Variants in ZNF837 observed in about 807,000 individuals in gnomAD.
ZNF837 encodes zinc finger protein 837.
For synonymous variants in ZNF837, 475 were observed against 365.2 expected, an observed-to-expected ratio of 1.30 and a Z score of -3.43; for missense variants, 955 against 801.7, an observed-to-expected ratio of 1.19 and a Z score of -2.31.
chr19:58,379,039 A>T (rs915492522), intron 1 of ZNF837, among the ~76,000 whole-genome samples: 3 of 152,188 alleles, frequency 2.0e-5, no homozygotes, highest in African/African-American at 7.2e-5. Context: ...AGTTTGTGGT[A>T]GTGTGTTATA....
At position 58,367,840 on chromosome 19, in the gene ZNF837, G is replaced by C; in HGVS notation, c.1493C>G (p.Thr498Arg). ...CSLVRHLRTHTGERPYACGDC... is the reference protein window; with the variant it reads ...CSLVRHLRTHRGERPYACGDC... Reference sequence around the variant, plus strand: ...TCCGCACGCGTAGGGCCGCTCGCCCGTGTGCGTGCGCAGGTGGCGCACCAG... The same window carrying C: ...TCCGCACGCGTAGGGCCGCTCGCCCCTGTGCGTGCGCAGGTGGCGCACCAG... The change falls in exon 3 of 3, where the codon ACG becomes AGG. Residue 498 changes from threonine (T) to arginine (R), a missense_variant. Thr to Arg is a moderately conservative substitution (Grantham distance 71). Coordinates refer to ENST00000597582, the MANE Select transcript of ZNF837 (RefSeq NM_138466.2). 2 of 1,535,912 alleles carry C rather than the reference G, an allele frequency of 1.3e-6. No homozygotes were observed.
chr19:58,373,172 C>T (rs944419853), intron 1 of ZNF837, among the ~76,000 whole-genome samples: 11 of 152,198 alleles, frequency 7.2e-5, no homozygotes, highest in Non-Finnish European at 1.6e-4. Flanking sequence ...TGAGACTTCC[C>T]GGAGCCAGAT....
intron 1 of ZNF837, among the ~76,000 whole-genome samples, chr19:58,374,175 T>A (rs185960866): frequency 2.5e-4 from 38 of 152,280 alleles, no homozygotes; most frequent in African/African-American, 8.4e-4. Flanking sequence ...CCCCGAGTAA[T>A]TCCACCCCTA....
At position 58,375,755 on chromosome 19, in the gene ZNF837, C is replaced by CTT. The variant is rs75807213; in HGVS notation, c.-140+5184_-140+5185dup. On this transcript the variant is annotated intron_variant, in intron 1 of 2. Transcript: ENST00000597582. ...GCCACCTCGCCCAGCTGATTTATATCTTTTTTTTTTTTTTTAAAGCAGAAT... is the reference window on the plus strand; with the variant it reads ...GCCACCTCGCCCAGCTGATTTATATCTTTTTTTTTTTTTTTTTAAAGCAGAAT... 3.7e-3 allele frequency among the ~76,000 whole-genome samples: 517 copies of CTT among 141,106 alleles called. 3 individuals are homozygous for CTT. The highest frequency in any genetic ancestry group is 5.2e-3 in the Non-Finnish European group (337 of 65,206). The allele number at this position is 141,106 out of a possible 152,430, so 92.6% of individuals were successfully genotyped here. A position where few individuals can be genotyped will look rare whatever the true frequency, so the allele number is the denominator to read the frequency against.
intron 1 of ZNF837, among the ~76,000 whole-genome samples, chr19:58,374,230 T>C (rs1293917273): frequency 1.3e-5 from 2 of 152,172 alleles, no homozygotes; most frequent in African/African-American, 4.8e-5. Context: ...AAGCAAACAC[T>C]GGCTCACAGA....
intron 1 of ZNF837, among the ~76,000 whole-genome samples, chr19:58,377,428 C>T (rs1435575426): frequency 2.0e-5 from 3 of 151,612 alleles, no homozygotes; most frequent in Non-Finnish European, 4.4e-5. Context: ...TGTAGTGAGC[C>T]GAGATCTTGC....
At chr19:58,370,916 AAAAG>A (rs1033627810) in intron 1 of ZNF837, among the ~76,000 whole-genome samples, 4 of 121,224 alleles carry the variant, frequency 3.3e-5, no homozygotes, top group Non-Finnish European at 6.7e-5. Flanking sequence ...GGAAAAAAAG[AAAAG>A]AGAGAGAGAG....
chr19:58,370,234 A>C (rs1016649347), intron 1 of ZNF837, among the ~76,000 whole-genome samples: 11 of 152,128 alleles, frequency 7.2e-5, no homozygotes, highest in African/African-American at 2.7e-4. Flanking sequence ...GACCATTTCC[A>C]GCTTCTAGGT....
At chr19:58,372,866 A>G (rs1245809220) in intron 1 of ZNF837, among the ~76,000 whole-genome samples, 1 of 152,206 alleles carries the variant, frequency 6.6e-6, no homozygotes, top group Non-Finnish European at 1.5e-5. Flanking sequence ...AAGGCCTTTG[A>G]AGCAGCCAGG....
intron 1 of ZNF837, among the ~76,000 whole-genome samples, chr19:58,375,313 A>AAAT (rs2052235767): frequency 2.9e-5 from 1 of 34,576 alleles, no homozygotes. Flanking sequence ...TATATATATA[A>AAAT]AATTACATAT....
chr19:58,370,560 TATAA>T (rs527743492), intron 1 of ZNF837, among the ~76,000 whole-genome samples: 70 of 152,324 alleles, frequency 4.6e-4, no homozygotes, highest in Middle Eastern at 3.4e-3. Context: ...CACGTGCATA[TATAA>T]ATATTCATCT....
At chr19:58,377,746 G>A (rs2052260994) in intron 1 of ZNF837, among the ~76,000 whole-genome samples, 1 of 152,224 alleles carries the variant, frequency 6.6e-6, no homozygotes, top group Non-Finnish European at 1.5e-5. Flanking sequence ...CAAGGGCACT[G>A]CTGCCACCAC....
At chr19:58,370,411 C>T (rs1323227312) in intron 1 of ZNF837, among the ~76,000 whole-genome samples, 1 of 152,224 alleles carries the variant, frequency 6.6e-6, no homozygotes, top group Non-Finnish European at 1.5e-5. Context: ...ATCTCCCCAT[C>T]TCAAGATCCA....
intron 1 of ZNF837, among the ~76,000 whole-genome samples, chr19:58,380,292 C>T (rs1236976223): frequency 1.3e-5 from 2 of 152,226 alleles, no homozygotes; most frequent in African/African-American, 4.8e-5. Context: ...CCGACAGTGC[C>T]TCCACCCTCA....
chr19:58,374,745 C>T (rs2052227579), intron 1 of ZNF837, among the ~76,000 whole-genome samples: 1 of 152,024 alleles, frequency 6.6e-6, no homozygotes, highest in Admixed American at 6.6e-5. Context: ...ACCAGCCTGG[C>T]CAAAATGTCG....
In ZNF837 at chr19:58,368,168, T is replaced by A. The variant is rs1228698532; in HGVS notation, c.1165A>T (p.Lys389Ter). Residue 389 changes from lysine to a stop codon, truncating the protein, a stop_gained, in exon 3 of 3, where the codon AAG (lysine) becomes TAG (stop). Transcript: ENST00000597582. LOFTEE classifies it low-confidence loss of function (END_TRUNC). ...VEHRRVHTGEKPYACPECGKA... is the reference protein window; with the variant it reads ...VEHRRVHTGE ...CCGCACTCGGGGCACGCGTAGGGCT[T>A]CTCGCCGGTGTGCACGCGCCGGTGC... 1 of 1,573,274 alleles carries A rather than the reference T, an allele frequency of 6.4e-7. No homozygotes were observed. Among genetic ancestry groups the A allele is most frequent in the Admixed American group, 1.8e-5 (1 of 54,340 alleles).
chr19:58,373,148 G>T (rs570343812), intron 1 of ZNF837, among the ~76,000 whole-genome samples: 12 of 152,302 alleles, frequency 7.9e-5, no homozygotes, highest in African/African-American at 2.9e-4. Flanking sequence ...AGCCACTCGG[G>T]GTCTGGGTTT....
rs1440793449 is a variant in ZNF837, at chr19:58,367,979, A to G, written c.1354T>C (p.Cys452Arg). ...TGERPYGCSECGKTFRGCSEL... is the reference protein window; with the variant it reads ...TGERPYGCSERGKTFRGCSEL... ...GAGCAGCCGCGGAAGGTCTTTCCGC[A>G]CTCGGAGCAGCCATAGGGCCGCTCG... Residue 452 changes from cysteine to arginine, a missense_variant, in exon 3 of 3, where the codon TGC becomes CGC. By Grantham distance (180) the Cys-to-Arg change is radical. Transcript: ENST00000597582. 1 of 1,532,262 alleles carries G rather than the reference A, an allele frequency of 6.5e-7. No homozygotes were observed. Among genetic ancestry groups the G allele is most frequent in the South Asian group, 1.2e-5 (1 of 83,834 alleles). The allele number at this position is 1,532,262 out of a possible 1,614,324, so 94.9% of individuals were successfully genotyped here.
chr19:58,376,319 G>C (rs111924969), intron 1 of ZNF837, among the ~76,000 whole-genome samples: 5 of 151,842 alleles, frequency 3.3e-5, no homozygotes, highest in African/African-American at 1.2e-4. Flanking sequence ...TTGGGAGGCC[G>C]AGGCGGGCGG....
Sources: allele counts gnomAD v4.1 joint callset (sites outside exome capture counted in the v4.1 genomes callset), GRCh38; gene constraint gnomAD v4.1.1; transcripts MANE v1.5; gene names NCBI Gene and HGNC (gene_info 2026-07-23, HGNC 2026-07-21).